Variants in CADM1 observed in about 807,000 individuals in gnomAD.
CADM1 encodes the protein TSLC-1.
In CADM1, 15 loss-of-function variants were observed where a neutral mutation model predicts 53.1. The observed-to-expected ratio is 0.28, with a 90% CI of 0.19 to 0.44. The LOEUF is 0.44. CADM1 is among the 20% of genes least tolerant of loss of function. The pLI is 1.00. For missense variants in CADM1, 434 were observed against 611.3 expected (o/e 0.71, Z 3.06); for synonymous variants, 281 against 243.0 (o/e 1.16, Z -1.45).
chr11:115,218,030 G>A (rs1451561363), intron 5 of CADM1, 39 bp from the exon 6 acceptor site: 1 of 1,465,152 alleles, frequency 6.8e-7, no homozygotes, highest in Non-Finnish European at 9.6e-7. Flanking sequence ...TTTAGCAAAT[G>A]ATATCATCAG....
At chr11:115,400,677 A>G (rs1460214553) in intron 1 of CADM1, among the ~76,000 whole-genome samples, 3,831 of 49,588 alleles carry the variant, frequency 0.077, 69 homozygotes, top group Non-Finnish European at 0.12. Flanking sequence ...ATATATATAT[A>G]TATATATATA....
intron 1 of CADM1, among the ~76,000 whole-genome samples, chr11:115,383,187 AG>A (rs764525458): frequency 1.3e-5 from 2 of 152,228 alleles, no homozygotes; most frequent in Non-Finnish European, 2.9e-5. Context: ...ACATAGTATT[AG>A]TTTAGATAAA....
At chr11:115,400,657 G>GTA (rs1947123429) in intron 1 of CADM1, among the ~76,000 whole-genome samples, 2 of 82,316 alleles carry the variant, frequency 2.4e-5, no homozygotes, top group African/African-American at 6.5e-5. Context: ...GTGTGTGTGT[G>GTA]TGTGTATATA....
intron 1 of CADM1, among the ~76,000 whole-genome samples, chr11:115,348,233 G>C (rs1945634744): frequency 6.6e-6 from 1 of 152,166 alleles, no homozygotes; most frequent in Non-Finnish European, 1.5e-5. Context: ...TACCAGAATA[G>C]AGTTGACATG....
intron 1 of CADM1, among the ~76,000 whole-genome samples, chr11:115,267,536 AAAC>A: frequency 6.6e-6 from 1 of 152,324 alleles, no homozygotes; most frequent in East Asian, 1.9e-4. Context: ...GAGATAAATC[AAAC>A]AACCACTTCT....
intron 1 of CADM1, among the ~76,000 whole-genome samples, chr11:115,398,571 C>T (rs751820183): frequency 1.8e-4 from 28 of 152,188 alleles, no homozygotes; most frequent in Non-Finnish European, 4.1e-4. Flanking sequence ...TAATTCTAAA[C>T]ACAACAATGT....
intron 5 of CADM1, among the ~76,000 whole-genome samples, chr11:115,221,833 T>C (rs1249950919): frequency 6.6e-6 from 1 of 152,126 alleles, no homozygotes; most frequent in Non-Finnish European, 1.5e-5. Flanking sequence ...GGAAAAGGCA[T>C]CCTCATACCC....
chr11:115,377,191 T>G (rs1352907727), intron 1 of CADM1: 1 of 152,170 alleles, frequency 6.6e-6, no homozygotes, highest in African/African-American at 2.4e-5. Context: ...GCATGATGAT[T>G]TCAAGCTGAC....
intron 1 of CADM1, among the ~76,000 whole-genome samples, chr11:115,336,051 G>A (rs1368403210): frequency 6.6e-6 from 1 of 152,060 alleles, no homozygotes; most frequent in African/African-American, 2.4e-5. Context: ...TAGCAAAAAT[G>A]CTTTATTTGT....
chr11:115,174,555 C>A lies in CADM1; in HGVS notation c.*1919G>T. 11 of 985,148 alleles carry A rather than the reference C, an allele frequency of 1.1e-5. No homozygotes were observed. Among genetic ancestry groups the A allele is most frequent in the Non-Finnish European group, 1.3e-5 (11 of 829,634 alleles). The allele number at this position is 985,148 out of a possible 1,614,324, so 61.0% of individuals were successfully genotyped here. A position where few individuals can be genotyped will look rare whatever the true frequency, so the allele number is the denominator to read the frequency against. ...ACATACCAGTCCGTTCCCAAAAGGC[C>A]CCCATATTGCAATGGTTCTATCAAA... On this transcript the variant is annotated 3_prime_UTR_variant, in exon 12 of 12. Coordinates refer to ENST00000331581, the MANE Select transcript of CADM1 (RefSeq NM_001301043.2).
intron 10 of CADM1, among the ~76,000 whole-genome samples, chr11:115,189,721 C>T (rs1397001302): frequency 6.6e-6 from 1 of 152,168 alleles, no homozygotes; most frequent in African/African-American, 2.4e-5. Flanking sequence ...TTTGGAAATT[C>T]ATTCATTCAT....
At chr11:115,190,423 C>A (rs562732827) in intron 10 of CADM1, among the ~76,000 whole-genome samples, 2 of 152,180 alleles carry the variant, frequency 1.3e-5, no homozygotes, top group Middle Eastern at 3.4e-3. Flanking sequence ...CCCTTCCCCA[C>A]CCCTGACTTC....
At chr11:115,203,433 G>A (rs1940532226) in intron 8 of CADM1, among the ~76,000 whole-genome samples, 1 of 152,182 alleles carries the variant, frequency 6.6e-6, no homozygotes, top group African/African-American at 2.4e-5. Flanking sequence ...GAGGCTCTCT[G>A]TAAGTTGTAG....
At chr11:115,366,526 G>A (rs1239485387) in intron 1 of CADM1, among the ~76,000 whole-genome samples, 4 of 152,152 alleles carry the variant, frequency 2.6e-5, no homozygotes, top group Non-Finnish European at 5.9e-5. Flanking sequence ...TATGCAGAGA[G>A]TTGCTAATTT....
At chr11:115,304,922 T>TA in intron 1 of CADM1, among the ~76,000 whole-genome samples, 1 of 151,990 alleles carries the variant, frequency 6.6e-6, no homozygotes, top group Non-Finnish European at 1.5e-5. Flanking sequence ...AATCATTATG[T>TA]AAACAATGGC....
intron 9 of CADM1, among the ~76,000 whole-genome samples, chr11:115,194,342 T>C (rs72994022): frequency 1.2e-4 from 18 of 152,344 alleles, no homozygotes; most frequent in Non-Finnish European, 2.4e-4. Flanking sequence ...GCTTTTAGAA[T>C]TTGACCATGG....
At chr11:115,410,220 T>C (rs536310890) in intron 1 of CADM1, among the ~76,000 whole-genome samples, 46 of 152,232 alleles carry the variant, frequency 3.0e-4, no homozygotes, top group Non-Finnish European at 4.6e-4. Context: ...GTGTGTCTTC[T>C]ATTACCCTTT....
At chr11:115,435,485 C>A (rs1240348933) in intron 1 of CADM1, among the ~76,000 whole-genome samples, 1 of 152,140 alleles carries the variant, frequency 6.6e-6, no homozygotes, top group Non-Finnish European at 1.5e-5. Flanking sequence ...GTAATCCCAG[C>A]ACTTTGGGAG....
Position 115,170,545 on chromosome 11 carries a change from G to A in CADM1, c.*5929C>T, listed in dbSNP as rs1938754528. The A allele has an allele frequency of 7.1e-6, 1 of 140,536 alleles. No homozygotes were observed. Among genetic ancestry groups the A allele is most frequent in the African/African-American group, 2.6e-5 (1 of 37,974 alleles). 8.7% of individuals were successfully genotyped at this position (140,536 alleles called of 1,614,324 possible). A position where few individuals can be genotyped will look rare whatever the true frequency, so the allele number is the denominator to read the frequency against. ...ACACCTGAAAACAGAGAAGATTCTT[G>A]CTTTCAGGTCTCAGTTCAGGGATGC... On this transcript the variant is annotated 3_prime_UTR_variant, in exon 12 of 12. Transcript: ENST00000331581.
Sources: gnomAD v4.1 joint callset for allele counts (sites outside exome capture counted in the v4.1 genomes callset) on GRCh38, gnomAD v4.1.1 for gene constraint, MANE v1.5 for transcripts, NCBI Gene and HGNC (gene_info 2026-07-23, HGNC 2026-07-21) for gene names.